Variants in CRB1 observed in about 807,000 individuals in gnomAD.
The protein encoded by CRB1 is protein crumbs homolog 1.
In CRB1, 83 loss-of-function variants were observed where a neutral mutation model predicts 120.0. The ratio of observed to expected loss-of-function variants is 0.69; its 90% CI spans 0.58 to 0.83. CRB1 has a LOEUF of 0.83. CRB1 is among the 40% of genes least tolerant of loss of function. CRB1 has a pLI of 0.00. For synonymous variants in CRB1, 625 were observed against 612.5 expected (o/e 1.02, Z -0.30); for missense variants, 1,699 against 1,687.6 (o/e 1.01, Z -0.12).
At chr1:197,363,786 C>T (rs1035764042) in intron 5 of CRB1, 5 of 690,372 alleles carry the variant, frequency 7.2e-6, no homozygotes, top group Admixed American at 3.9e-5. Flanking sequence ...GTCTTTGTGG[C>T]TCTGCAGAAT....
chr1:197,297,291 C>T (rs1036356342), intron 1 of CRB1, among the ~76,000 whole-genome samples: 8 of 151,868 alleles, frequency 5.3e-5, no homozygotes, highest in African/African-American at 1.9e-4. Context: ...CCTTTCTAGA[C>T]TTGAAAAATA....
chr1:197,295,778 G>A (rs1051428705), intron 1 of CRB1, among the ~76,000 whole-genome samples: 14 of 151,880 alleles, frequency 9.2e-5, no homozygotes, highest in Admixed American at 3.3e-4. Context: ...TCTGAAGTGC[G>A]ACATATGGCT....
At chr1:197,272,453 T>G (rs1654959852) in intron 1 of CRB1, among the ~76,000 whole-genome samples, 1 of 152,042 alleles carries the variant, frequency 6.6e-6, no homozygotes, top group Non-Finnish European at 1.5e-5. Context: ...ATTGCATGCT[T>G]TTTTTTCATC....
At chr1:197,204,441 A>G in the CRB1 span, among the ~76,000 whole-genome samples, 51 of 152,086 alleles carry the variant, frequency 3.4e-4, no homozygotes, top group African/African-American at 1.2e-3. Context: ...GCCAACATCT[A>G]TTATTTTTTG....
At chr1:197,253,077 C>T in the CRB1 span, among the ~76,000 whole-genome samples, 3 of 151,958 alleles carry the variant, frequency 2.0e-5, no homozygotes, top group Non-Finnish European at 4.4e-5. Context: ...TCATAACTCC[C>T]CTCTTTACAA....
intron 1 of CRB1, among the ~76,000 whole-genome samples, chr1:197,325,253 G>A (rs964270641): frequency 7.2e-5 from 11 of 152,100 alleles, no homozygotes; most frequent in African/African-American, 2.7e-4. Flanking sequence ...CAGAAAGCCA[G>A]GCTAAAGAGA....
At chr1:197,446,714 A>G (rs1037117527) in intron 11 of CRB1, among the ~76,000 whole-genome samples, 1 of 152,212 alleles carries the variant, frequency 6.6e-6, no homozygotes, top group Non-Finnish European at 1.5e-5. Flanking sequence ...TTGCACTACC[A>G]TATATAGTTG....
chr1:197,464,728 T>C (rs1247158064), intron 11 of CRB1, among the ~76,000 whole-genome samples: 1 of 151,990 alleles, frequency 6.6e-6, no homozygotes, highest in Non-Finnish European at 1.5e-5. Flanking sequence ...ATACCAAGTA[T>C]GAGACAAGAA....
At chr1:197,443,152 C>T (rs550155827) in intron 11 of CRB1, 7 of 150,414 alleles carry the variant, frequency 4.7e-5, no homozygotes, top group Non-Finnish European at 1.0e-4. Flanking sequence ...AGAGAATTAC[C>T]GATTAAAATT....
At chr1:197,405,429 C>T (rs1196098560) in intron 5 of CRB1, among the ~76,000 whole-genome samples, 1 of 151,594 alleles carries the variant, frequency 6.6e-6, no homozygotes, top group Admixed American at 6.6e-5. Context: ...CTCGCTACAA[C>T]CTCCACCTCC....
chr1:197,426,000 A>G (rs1465283296), intron 6 of CRB1, among the ~76,000 whole-genome samples: 2 of 151,550 alleles, frequency 1.3e-5, no homozygotes, highest in Admixed American at 1.3e-4. Context: ...GAACCTCTAT[A>G]TCAACTGCCC....
At chr1:197,306,950 C>A (rs1038187363) in intron 1 of CRB1, among the ~76,000 whole-genome samples, 1 of 152,026 alleles carries the variant, frequency 6.6e-6, no homozygotes. Context: ...AAAAAGGAGT[C>A]GATTTGTGTG....
At chr1:197,244,370 A>T in the CRB1 span, among the ~76,000 whole-genome samples, 1 of 151,686 alleles carries the variant, frequency 6.6e-6, no homozygotes, top group Non-Finnish European at 1.5e-5. Context: ...GCAGCAAATT[A>T]TCTTCATTTT....
chr1:197,312,390 C>T (rs537474732), intron 1 of CRB1, among the ~76,000 whole-genome samples: 8 of 152,136 alleles, frequency 5.3e-5, no homozygotes, highest in African/African-American at 1.9e-4. Context: ...ATGGTGAAAC[C>T]CAGTCTCTAC....
chr1:197,290,607 C>A (rs75493116), intron 1 of CRB1, among the ~76,000 whole-genome samples: 1 of 151,582 alleles, frequency 6.6e-6, no homozygotes, highest in East Asian at 2.0e-4. Flanking sequence ...ACAGTATGAA[C>A]GTCCATTGAG....
intron 11 of CRB1, among the ~76,000 whole-genome samples, chr1:197,474,571 C>T (rs1187169012): frequency 6.6e-6 from 1 of 152,188 alleles, no homozygotes; most frequent in Non-Finnish European, 1.5e-5. Context: ...GACCCACCCC[C>T]ATGAGTCCTT....
chr1:197,352,686 CT>C (rs5779865), intron 4 of CRB1, among the ~76,000 whole-genome samples: 80,916 of 137,106 alleles, frequency 0.59, 25,175 homozygotes, highest in South Asian at 0.77. Flanking sequence ...TTTTACTTTC[CT>C]TTTTTTTTTT....
At chr1:197,241,674 G>T in the CRB1 span, among the ~76,000 whole-genome samples, 1 of 151,224 alleles carries the variant, frequency 6.6e-6, no homozygotes, top group Non-Finnish European at 1.5e-5. Flanking sequence ...GGATTGTCTT[G>T]GCTATAGGGG....
At chr1:197,266,736 T>C (rs1654647660), upstream of CRB1, among the ~76,000 whole-genome samples, 1 of 152,222 alleles carries the variant, frequency 6.6e-6, no homozygotes, top group Admixed American at 6.5e-5. Flanking sequence ...CTTTTGTCTT[T>C]TGAAAAACTA....
Sources: allele counts gnomAD v4.1 joint callset (sites outside exome capture counted in the v4.1 genomes callset), GRCh38; gene constraint gnomAD v4.1.1; transcripts MANE v1.5; gene names NCBI Gene and HGNC (gene_info 2026-07-23, HGNC 2026-07-21).